PARD3B: variants seen among roughly 807,000 people sequenced by gnomAD.
The protein encoded by PARD3B is par-3 family cell polarity regulator beta.
Under a neutral mutation model 130.2 loss-of-function variants are expected in PARD3B, and 103 were observed. That is an observed-to-expected ratio of 0.79 (90% CI 0.67 to 0.93). The LOEUF (loss-of-function observed/expected upper bound fraction) is 0.93, where lower values mean the gene tolerates loss of function less well. PARD3B is among the 40% of genes least tolerant of loss of function. PARD3B has a pLI of 0.00. For synonymous variants in PARD3B, 583 were observed against 553.2 expected (o/e 1.05, Z -0.76); for missense variants, 1,609 against 1,499.2 (o/e 1.07, Z -1.21).
chr2:205,389,911 G>A (rs2105974077), intron 18 of PARD3B, among the ~76,000 whole-genome samples: 1 of 152,216 alleles, frequency 6.6e-6, no homozygotes, highest in Non-Finnish European at 1.5e-5. Flanking sequence ...GAGTTCTGTT[G>A]AATTGAGACA....
intron 1 of PARD3B, among the ~76,000 whole-genome samples, chr2:204,670,796 T>G (rs2036262997): frequency 6.6e-6 from 1 of 152,188 alleles, no homozygotes; most frequent in Admixed American, 6.5e-5. Flanking sequence ...TCGTGCAAAC[T>G]TTTGGTTTTA....
intron 2 of PARD3B, among the ~76,000 whole-genome samples, chr2:204,687,408 A>G (rs2037140376): frequency 1.3e-5 from 2 of 152,182 alleles, no homozygotes; most frequent in Non-Finnish European, 2.9e-5. Context: ...ATCTAGATAA[A>G]CCTAGTTATC....
At chr2:205,386,527 C>T (rs973922833) in intron 18 of PARD3B, among the ~76,000 whole-genome samples, 1 of 152,010 alleles carries the variant, frequency 6.6e-6, no homozygotes, top group African/African-American at 2.4e-5. Context: ...GTTATCCAGT[C>T]TGCAGGTTGG....
chr2:205,178,713 T>C (rs2035624452), intron 13 of PARD3B, among the ~76,000 whole-genome samples: 2 of 152,206 alleles, frequency 1.3e-5, no homozygotes, highest in Non-Finnish European at 2.9e-5. Context: ...GTTACACCAG[T>C]GACATCTAAA....
chr2:205,517,280 A>G (rs942912969), intron 21 of PARD3B, among the ~76,000 whole-genome samples: 3 of 151,942 alleles, frequency 2.0e-5, no homozygotes, highest in Non-Finnish European at 4.4e-5. Context: ...AGCCTCATAG[A>G]ATGAGGTGGG....
At chr2:204,580,362 C>T (rs2032489171) in intron 1 of PARD3B, among the ~76,000 whole-genome samples, 1 of 152,158 alleles carries the variant, frequency 6.6e-6, no homozygotes, top group South Asian at 2.1e-4. Flanking sequence ...GGCCTTCTTT[C>T]TGGGAGCTCC....
Position 205,187,789 on chromosome 2 carries a change from C to A in PARD3B, c.2024+1926C>A, listed in dbSNP as rs147568164. Among the ~76,000 whole-genome samples, 1 of 152,298 alleles carries A rather than the reference C, an allele frequency of 6.6e-6. No individual in the cohort carries two copies. Among genetic ancestry groups the A allele is most frequent in the African/African-American group, 2.4e-5 (1 of 41,560 alleles). The stretch of plus-strand genomic sequence containing the variant: ...ACTTCCATCTTCTTTTCACGTCTTC[C>A]TTCCTAGTCCCGTGTGTTTTAGGCC... On this transcript the variant is annotated intron_variant, in intron 14 of 22. Coordinates refer to ENST00000406610, the MANE Select transcript of PARD3B (RefSeq NM_001302769.2). This position sits in a 1 kb window ranked among gnomAD's most constrained non-coding sequence, Gnocchi z 4.9.
intron 18 of PARD3B, among the ~76,000 whole-genome samples, chr2:205,379,206 C>T (rs2045207278): frequency 1.3e-5 from 2 of 152,262 alleles, no homozygotes; most frequent in South Asian, 2.1e-4. Flanking sequence ...ACTACAAATT[C>T]ACTGAACTGC....
chr2:204,908,649 ATGT>A (rs1489812617), intron 2 of PARD3B, among the ~76,000 whole-genome samples: 8 of 152,322 alleles, frequency 5.3e-5, no homozygotes, highest in Non-Finnish European at 7.4e-5. Context: ...AATGGAAATA[ATGT>A]TGTACTGGAG....
chr2:204,701,905 C>A (rs1466608319), intron 2 of PARD3B, among the ~76,000 whole-genome samples: 2 of 152,040 alleles, frequency 1.3e-5, no homozygotes, highest in African/African-American at 4.8e-5. Flanking sequence ...TACCTTCCCC[C>A]TCTAGAAGTC....
At position 205,105,357 on chromosome 2, in the gene PARD3B, T is replaced by G. The variant is rs1441263630; in HGVS notation, c.593+843T>G. Reference sequence around the variant, plus strand: ...TCTATTATTGTTCTAATCATCATTTTGTTTAACGCACTTCAAATTTGGCAT... The same window carrying G: ...TCTATTATTGTTCTAATCATCATTTGGTTTAACGCACTTCAAATTTGGCAT... On this transcript the variant is annotated intron_variant, in intron 5 of 22. Coordinates refer to ENST00000406610, the MANE Select transcript of PARD3B (RefSeq NM_001302769.2). The surrounding 1 kb of genome is among the most constrained non-coding windows in gnomAD (Gnocchi z 4.0). Among the ~76,000 whole-genome samples, 1 of 152,212 alleles carries G rather than the reference T, an allele frequency of 6.6e-6. No individual in the cohort carries two copies. The highest frequency in any genetic ancestry group is 1.5e-5 in the Non-Finnish European group (1 of 68,032).
chr2:205,264,834 A>G (rs2040443370), intron 16 of PARD3B, among the ~76,000 whole-genome samples: 1 of 151,102 alleles, frequency 6.6e-6, no homozygotes, highest in South Asian at 2.1e-4. Context: ...AGATTAGTAG[A>G]AAATTTTTCT....
chr2:205,373,881 G>A (rs2044923345), intron 18 of PARD3B, among the ~76,000 whole-genome samples: 1 of 152,152 alleles, frequency 6.6e-6, no homozygotes, highest in African/African-American at 2.4e-5. Flanking sequence ...CTAGAAAGAT[G>A]TAGTGTTTAA....
At chr2:205,376,089 G>A (rs757812660) in intron 18 of PARD3B, among the ~76,000 whole-genome samples, 6 of 152,078 alleles carry the variant, frequency 3.9e-5, no homozygotes, top group African/African-American at 9.7e-5. Flanking sequence ...TTCTATGGGC[G>A]GGCACTGTTC....
intron 19 of PARD3B, among the ~76,000 whole-genome samples, chr2:205,416,575 C>G (rs968626961): frequency 1.3e-5 from 2 of 152,096 alleles, no homozygotes; most frequent in African/African-American, 4.8e-5. Context: ...CCTTGGCCTG[C>G]AGGTGAGCAG....
chr2:204,965,067 CA>C, intron 2 of PARD3B, 84 bp from the exon 3 acceptor site: 1 of 1,345,364 alleles, frequency 7.4e-7, no homozygotes, highest in Non-Finnish European at 1.0e-6. Context: ...TCTTTGCAAC[CA>C]AATAAAGATC....
At chr2:205,336,849 A>C (rs1166384185) in intron 18 of PARD3B, among the ~76,000 whole-genome samples, 1 of 152,178 alleles carries the variant, frequency 6.6e-6, no homozygotes, top group Non-Finnish European at 1.5e-5. Flanking sequence ...ATGTAGGCCT[A>C]GGTGCAGGAT....
In PARD3B at chr2:205,321,446, C is replaced by T. The variant is rs2042748903; in HGVS notation, c.2630+19745C>T. On this transcript the variant is annotated intron_variant, in intron 18 of 22. Transcript: ENST00000406610. The surrounding 1 kb of genome is among the most constrained non-coding windows in gnomAD (Gnocchi z 4.2). ...TTTTCTGAATTAGCTGTAGCATTCT[C>T]TCTCTCTTTCTCTCTCTTCCTCTCT... 6.6e-6 allele frequency among the ~76,000 whole-genome samples: 1 copy of T among 152,044 alleles called. No homozygotes were observed. The highest frequency in any genetic ancestry group is 2.4e-5 in the African/African-American group (1 of 41,408).
intron 3 of PARD3B, among the ~76,000 whole-genome samples, chr2:204,984,743 T>A (rs111258291): frequency 6.6e-6 from 1 of 151,906 alleles, no homozygotes; most frequent in African/African-American, 2.4e-5. Context: ...GAGACTGGAA[T>A]CCCCATTTTC....
Sources: allele counts gnomAD v4.1 joint callset (sites outside exome capture counted in the v4.1 genomes callset), GRCh38; gene constraint gnomAD v4.1.1; non-coding constraint Gnocchi (gnomAD v3.1); transcripts MANE v1.5; gene names NCBI Gene and HGNC (gene_info 2026-07-23, HGNC 2026-07-21).